The following CACNA1A variants were observed in gnomAD, a reference collection of about 807,000 sequenced individuals.
CACNA1A encodes voltage-dependent P/Q-type calcium channel subunit alpha-1A.
A neutral mutation model predicts 262.4 loss-of-function variants in CACNA1A; 57 were observed. The ratio of observed to expected loss-of-function variants is 0.22; its 90% CI spans 0.18 to 0.27. The LOEUF (loss-of-function observed/expected upper bound fraction) is 0.27, where lower values mean the gene tolerates loss of function less well. Among genes scored for constraint, CACNA1A ranks in the 10% least tolerant of loss-of-function variants. The pLI, the probability that CACNA1A is intolerant of heterozygous loss-of-function variation, is 1.00. For synonymous variants in CACNA1A, 1,431 were observed against 1,419.3 expected (o/e 1.01, Z -0.18); for missense variants, 2,526 against 3,562.8 (o/e 0.71, Z 7.41).
rs771726163 is a variant in CACNA1A, at chr19:13,208,876, G to A, written c.6660C>T (p.Pro2220=). 2.0e-6 allele frequency: 3 copies of A among 1,518,368 alleles called. No individual in the cohort carries two copies. Among genetic ancestry groups the A allele is most frequent in the Non-Finnish European group, 1.8e-6 (2 of 1,131,994 alleles). 94.1% of individuals were successfully genotyped at this position (1,518,368 alleles called of 1,614,324 possible). A position where few individuals can be genotyped will look rare whatever the true frequency, so the allele number is the denominator to read the frequency against. The change falls in exon 46 of 47, where the codon CCC becomes CCT. Residue 2220 remains proline, a synonymous_variant. Coordinates refer to ENST00000360228, the MANE Select transcript of CACNA1A (RefSeq NM_001127222.2). ...HHHHHHHHHH[P]PPPDKDRYAQ... ...CATAGCGGTCCTTGTCGGGGGGCGG[G>A]GGATGGTGGTGGTGGTGGTGGTGGT... is the stretch of plus-strand genomic sequence containing the variant.
At chr19:13,324,041 A>G (rs764057399) in intron 10 of CACNA1A, among the ~76,000 whole-genome samples, 3 of 152,268 alleles carry the variant, frequency 2.0e-5, no homozygotes, top group Non-Finnish European at 4.4e-5. Flanking sequence ...GTATACAAAT[A>G]GAATACTATA....
chr19:13,415,059 C>T (rs148758877), intron 3 of CACNA1A, among the ~76,000 whole-genome samples: 107 of 151,922 alleles, frequency 7.0e-4, no homozygotes, highest in Middle Eastern at 3.4e-3. Context: ...TTTCCCAAAG[C>T]GATTTTGGGG....
intron 1 of CACNA1A, among the ~76,000 whole-genome samples, chr19:13,458,824 C>T (rs117235162): frequency 6.6e-6 from 1 of 152,348 alleles, no homozygotes; most frequent in East Asian, 1.9e-4. Context: ...GTGTCCCACG[C>T]CAACAGGCTC....
intron 1 of CACNA1A, among the ~76,000 whole-genome samples, chr19:13,486,928 C>G (rs553388553): frequency 1.1e-4 from 16 of 151,712 alleles, no homozygotes; most frequent in Non-Finnish European, 2.4e-4. Flanking sequence ...CACGCAGCCT[C>G]TCTTTCTTTT....
chr19:13,235,539 A>T, intron 32 of CACNA1A, 75 bp downstream of exon 32: 1 of 1,038,002 alleles, frequency 9.6e-7, no homozygotes. Flanking sequence ...TTCCAATCTG[A>T]CTTCTACATT....
At chr19:13,337,301 T>C (rs1262091071) in intron 6 of CACNA1A, among the ~76,000 whole-genome samples, 1 of 152,204 alleles carries the variant, frequency 6.6e-6, no homozygotes, top group Non-Finnish European at 1.5e-5. Context: ...ACAGAATCTG[T>C]TTTATGCCTC....
At chr19:13,460,682 A>G (rs2061105242) in intron 1 of CACNA1A, among the ~76,000 whole-genome samples, 1 of 151,890 alleles carries the variant, frequency 6.6e-6, no homozygotes, top group Admixed American at 6.6e-5. Context: ...CAGCTACAGC[A>G]ACGCCGGCCT....
intron 1 of CACNA1A, among the ~76,000 whole-genome samples, chr19:13,483,764 G>C (rs777781648): frequency 1.1e-4 from 16 of 152,064 alleles, no homozygotes; most frequent in Admixed American, 4.6e-4. Context: ...GGACACTCCT[G>C]AGACTCTTCA....
intron 31 of CACNA1A, among the ~76,000 whole-genome samples, chr19:13,240,167 A>G (rs1207887589): frequency 2.8e-5 from 4 of 142,670 alleles, no homozygotes; most frequent in Non-Finnish European, 4.5e-5. Flanking sequence ...AAAAAAAAAA[A>G]GAGCGAGAGA....
chr19:13,241,257 C>G lies in CACNA1A; in HGVS notation c.4950+3925G>C, dbSNP rs1225389995. Among the ~76,000 whole-genome samples the G allele has an allele frequency of 6.6e-6, 1 of 152,072 alleles. No individual in the cohort carries two copies. The highest frequency in any genetic ancestry group is 2.4e-5 in the African/African-American group (1 of 41,394). On this transcript the variant is annotated intron_variant, in intron 31 of 46. Coordinates refer to ENST00000360228, the MANE Select transcript of CACNA1A (RefSeq NM_001127222.2). This position sits in a 1 kb window ranked among gnomAD's most constrained non-coding sequence, Gnocchi z 4.0. ...AGGTGCTGCGCTGGGAAAACCCATC[C>G]CTTTCTCTGCAAAAGACGCAAACCA...
At chr19:13,402,871 C>T (rs202049884) in intron 3 of CACNA1A, among the ~76,000 whole-genome samples, 12 of 64,176 alleles carry the variant, frequency 1.9e-4, no homozygotes, top group South Asian at 1.6e-3. Flanking sequence ...CACACACACA[C>T]ACATATATAT....
At position 13,351,958 on chromosome 19, in the gene CACNA1A, GTATCAATC is replaced by G. The variant is rs796076337; in HGVS notation, c.978+7640_978+7647del. ...CCAAGGCTGGCCATTTATTATTGAT[GTATCAATC>G]AATCAATCAATGATTTATTTTAGTG... On this transcript the variant is annotated intron_variant, in intron 6 of 46. Coordinates refer to ENST00000360228, the MANE Select transcript of CACNA1A (RefSeq NM_001127222.2). Among the ~76,000 whole-genome samples, 11 of 152,250 alleles carry G rather than the reference GTATCAATC, an allele frequency of 7.2e-5. No individual in the cohort carries two copies. In the South Asian group the frequency reaches 2.3e-3, roughly 32 times the overall value.
At chr19:13,414,673 C>T (rs1250964008) in intron 3 of CACNA1A, among the ~76,000 whole-genome samples, 1 of 151,996 alleles carries the variant, frequency 6.6e-6, no homozygotes, top group East Asian at 1.9e-4. Context: ...GAAATAGAAG[C>T]TCTGCCGGGT....
At chr19:13,500,160 T>C (rs969233150) in intron 1 of CACNA1A, among the ~76,000 whole-genome samples, 7 of 152,204 alleles carry the variant, frequency 4.6e-5, no homozygotes, top group South Asian at 2.1e-4. Flanking sequence ...TCCTAAAACG[T>C]TGGCACAAGG....
intron 3 of CACNA1A, among the ~76,000 whole-genome samples, chr19:13,413,895 A>AAAAGAAAGAAAGAAAG (rs57341945): frequency 0.024 from 2,899 of 119,160 alleles, 140 homozygotes; most frequent in African/African-American, 0.063. Flanking sequence ...GAAAGAAAGA[A>AAAAGAAAGAAAGAAAG]AAAGAAAGAA....
In CACNA1A at chr19:13,286,914, G is replaced by A. The variant is rs753402026; in HGVS notation, c.3142C>T (p.Arg1048Trp). 5.0e-6 allele frequency: 8 copies of A among 1,612,760 alleles called. No individual in the cohort carries two copies. In the Admixed American group the frequency reaches 5.0e-5, roughly 10 times the overall value. The change falls in exon 20 of 47, where the codon CGG (arginine) becomes TGG (tryptophan). Residue 1048 changes from arginine to tryptophan, a missense_variant. Physicochemically the swap from Arg to Trp is moderately radical, Grantham distance 101 (BLOSUM62 -3). Transcript: ENST00000360228. ...PVSGPNLSTT[R>W]PIQQDLGRQD... is the part of the protein sequence containing the mutation. ...CGGCCCAGGTCCTGCTGGATTGGCC[G>A]GGTGGTTGACAGGTTGGGGCCCGAC...
At chr19:13,261,290 G>A (rs889457667) in intron 26 of CACNA1A, 160 bp downstream of exon 26, 10 of 603,722 alleles carry the variant, frequency 1.7e-5, no homozygotes, top group Admixed American at 9.5e-5. Flanking sequence ...TTCTAAAACC[G>A]GTTTTCTTTC....
At chr19:13,260,334 T>TATATA (rs1388256128) in intron 26 of CACNA1A, 2 of 128,422 alleles carry the variant, frequency 1.6e-5, no homozygotes, top group South Asian at 2.6e-4. Context: ...ATATATATAT[T>TATATA]TTTGTTGTTG....
chr19:13,409,595 G>A (rs896412210), intron 3 of CACNA1A, among the ~76,000 whole-genome samples: 1 of 152,078 alleles, frequency 6.6e-6, no homozygotes, highest in African/African-American at 2.4e-5. Flanking sequence ...ACCCAGGCTG[G>A]AGTGCAGTGG....
Sources: gnomAD v4.1 joint callset for allele counts (sites outside exome capture counted in the v4.1 genomes callset) on GRCh38, gnomAD v4.1.1 for gene constraint, Gnocchi (gnomAD v3.1) non-coding constraint, MANE v1.5 for transcripts, NCBI Gene and HGNC (gene_info 2026-07-23, HGNC 2026-07-21) for gene names.